DYNC2H1: variants seen among roughly 807,000 people sequenced by gnomAD.
The protein encoded by DYNC2H1 is cytoplasmic dynein 2 heavy chain 1.
A neutral mutation model predicts 570.0 loss-of-function variants in DYNC2H1; 410 were observed. The observed-to-expected ratio is 0.72, with a 90% CI of 0.66 to 0.78. The LOEUF is 0.78. DYNC2H1 is among the 30% of genes least tolerant of loss of function. The pLI, the probability that DYNC2H1 is intolerant of heterozygous loss-of-function variation, is 0.00. For missense variants in DYNC2H1, 4,865 were observed against 5,046.4 expected (o/e 0.96, Z 1.09); for synonymous variants, 1,688 against 1,677.6 (o/e 1.01, Z -0.15).
intron 17 of DYNC2H1, among the ~76,000 whole-genome samples, chr11:103,142,656 G>A (rs932961628): frequency 5.9e-5 from 9 of 152,036 alleles, no homozygotes; most frequent in African/African-American, 1.4e-4. Flanking sequence ...GTGGCAGAGC[G>A]AGACTCCATG....
intron 75 of DYNC2H1, among the ~76,000 whole-genome samples, chr11:103,291,732 A>T (rs1431265699): frequency 1.3e-5 from 2 of 152,014 alleles, no homozygotes; most frequent in Non-Finnish European, 2.9e-5. Flanking sequence ...ATATCTGGAT[A>T]CTCCAGTGTT....
At chr11:103,463,838 GA>G (rs1945101026) in intron 87 of DYNC2H1, among the ~76,000 whole-genome samples, 1 of 152,144 alleles carries the variant, frequency 6.6e-6, no homozygotes, top group Non-Finnish European at 1.5e-5. Context: ...TAAGAAAGCT[GA>G]AAGACAAAGA....
chr11:103,440,888 G>T (rs1010212632), intron 85 of DYNC2H1, among the ~76,000 whole-genome samples: 1 of 152,028 alleles, frequency 6.6e-6, no homozygotes, highest in Non-Finnish European at 1.5e-5. Context: ...CCACTACCTC[G>T]ATTGAAGTCA....
chr11:103,392,292 C>T (rs578248439), intron 83 of DYNC2H1, among the ~76,000 whole-genome samples: 4 of 152,344 alleles, frequency 2.6e-5, no homozygotes, highest in Admixed American at 2.6e-4. Flanking sequence ...ATAGGACCCT[C>T]CAAGCCAGGT....
intron 83 of DYNC2H1, among the ~76,000 whole-genome samples, chr11:103,386,946 T>G (rs1333652818): frequency 2.0e-5 from 3 of 151,794 alleles, no homozygotes; most frequent in Non-Finnish European, 4.4e-5. Context: ...TTGTGAATAG[T>G]GCAGCAATAA....
intron 87 of DYNC2H1, among the ~76,000 whole-genome samples, chr11:103,458,183 TTA>T: frequency 6.6e-6 from 1 of 152,332 alleles, no homozygotes; most frequent in South Asian, 2.1e-4. Flanking sequence ...AGGATTTTTT[TTA>T]TCTTTTATAC....
rs1429992074 is a variant in DYNC2H1, at chr11:103,114,273, A to C, written c.502+35A>C. On this transcript the variant is annotated intron_variant, in intron 3 of 88. Coordinates refer to ENST00000375735, the MANE Select transcript of DYNC2H1 (RefSeq NM_001377.3). ...CATAGCTTAATAAAAGAGAGTACAA[A>C]ATGATTGTCTCATTAATACATTAGT... 3 of 1,516,076 alleles carry C rather than the reference A, an allele frequency of 2.0e-6. No homozygotes were observed. In the African/African-American group the frequency reaches 4.2e-5, roughly 21 times the overall value. The allele number at this position is 1,516,076 out of a possible 1,614,324, so 93.9% of individuals were successfully genotyped here. A position where few individuals can be genotyped will look rare whatever the true frequency, so the allele number is the denominator to read the frequency against.
At chr11:103,405,414 T>C (rs1308069957) in intron 84 of DYNC2H1, 2 of 152,016 alleles carry the variant, frequency 1.3e-5, no homozygotes, top group East Asian at 3.9e-4. Flanking sequence ...TGGTTATACC[T>C]ACAGAGTTTC....
At position 103,181,722 on chromosome 11, in the gene DYNC2H1, C is replaced by T. The variant is rs1253492484; in HGVS notation, c.6348-35C>T. On this transcript the variant is annotated intron_variant, in intron 39 of 88. Transcript: ENST00000375735. The surrounding 1 kb of genome is among the most constrained non-coding windows in gnomAD (Gnocchi z 5.0). Reference sequence around the variant, plus strand: ...TTTTAATGTAAATTGATAATTTCTTCCTAAGTAATTTTTTATTTGTCTAAA... The same window carrying T: ...TTTTAATGTAAATTGATAATTTCTTTCTAAGTAATTTTTTATTTGTCTAAA... The T allele has an allele frequency of 7.4e-6, 11 of 1,492,364 alleles. No individual in the cohort carries two copies. Among genetic ancestry groups the T allele is most frequent in the Non-Finnish European group, 9.0e-6 (10 of 1,116,764 alleles). 92.4% of individuals were successfully genotyped at this position (1,492,364 alleles called of 1,614,324 possible). A position where few individuals can be genotyped will look rare whatever the true frequency, so the allele number is the denominator to read the frequency against.
intron 14 of DYNC2H1, among the ~76,000 whole-genome samples, 198 bp from the exon 15 acceptor site, chr11:103,134,123 G>T (rs1859412772): frequency 6.6e-6 from 1 of 151,926 alleles, no homozygotes; most frequent in South Asian, 2.1e-4. Flanking sequence ...ATTAGATTGG[G>T]GCTATCTTAT....
chr11:103,377,768 G>A (rs899084726), intron 83 of DYNC2H1, among the ~76,000 whole-genome samples: 8 of 151,992 alleles, frequency 5.3e-5, no homozygotes, highest in African/African-American at 1.5e-4. Flanking sequence ...AGACAGTCTC[G>A]CTCTGTTGCC....
intron 47 of DYNC2H1, among the ~76,000 whole-genome samples, chr11:103,194,612 T>C (rs534252500): frequency 2.0e-5 from 3 of 152,226 alleles, no homozygotes; most frequent in Non-Finnish European, 2.9e-5. Flanking sequence ...TTAATTTGCA[T>C]TTTGCTAAGG....
rs1355657035 is a variant in DYNC2H1 at position 103,128,981 on chromosome 11, C to CT, written c.1931dup (p.Leu644PhefsTer4). On this transcript the variant is annotated frameshift_variant, in exon 13 of 89. Coordinates refer to ENST00000375735, the MANE Select transcript of DYNC2H1 (RefSeq NM_001377.3). LOFTEE classifies it high-confidence loss of function. Reference sequence around the variant, plus strand: ...AGAGGCCAATGATGTTACAATCTGCCTTAGCATTTGAACAGATAATTAAGG... The same window carrying CT: ...AGAGGCCAATGATGTTACAATCTGCCTTTAGCATTTGAACAGATAATTAAGG... The CT allele has an allele frequency of 6.2e-7, 1 of 1,604,814 alleles. No individual in the cohort carries two copies. The highest frequency in any genetic ancestry group is 1.7e-5 in the Admixed American group (1 of 59,320).
intron 71 of DYNC2H1, 137 bp from the exon 72 acceptor site, chr11:103,282,042 C>T: frequency 1.7e-6 from 1 of 581,068 alleles, no homozygotes; most frequent in South Asian, 2.1e-5. Context: ...TGTTAACATA[C>T]TAGAAGAAGT....
chr11:103,166,990 C>CTTTTTTTTTTTTTTTTTTTTTTTTT (rs34816989), intron 31 of DYNC2H1, among the ~76,000 whole-genome samples: 4 of 56,986 alleles, frequency 7.0e-5, no homozygotes, highest in Non-Finnish European at 9.1e-5. Context: ...GAGGCGCTGC[C>CTTTTTTTTTTTTTTTTTTTTTTTTT]TTTTTTTTTT....
chr11:103,332,081 A>AAT (rs1361779250), intron 82 of DYNC2H1, among the ~76,000 whole-genome samples: 1 of 151,964 alleles, frequency 6.6e-6, no homozygotes, highest in African/African-American at 2.4e-5. Context: ...AAAAAAAAAA[A>AAT]GTTCCGATGA....
intron 65 of DYNC2H1, among the ~76,000 whole-genome samples, chr11:103,248,416 A>C (rs1864704763): frequency 6.6e-6 from 1 of 152,086 alleles, no homozygotes; most frequent in African/African-American, 2.4e-5. Context: ...GGTGTCCTGC[A>C]TACAATAGCT....
chr11:103,479,240 T>TA lies in DYNC2H1; in HGVS notation c.12917dup (p.Asn4306LysfsTer18), dbSNP rs761970784. On this transcript the variant is annotated frameshift_variant, in exon 89 of 89. Coordinates refer to ENST00000375735, the MANE Select transcript of DYNC2H1 (RefSeq NM_001377.3). LOFTEE classifies it high-confidence loss of function. ...ATTCAGTGTGGAGCAGCTCTATTCC[T>TA]AAAAAATCAGTAGAATCTAATGACA... The TA allele has an allele frequency of 6.2e-7, 1 of 1,610,764 alleles. No individual in the cohort carries two copies. The highest frequency in any genetic ancestry group is 8.5e-7 in the Non-Finnish European group (1 of 1,178,492).
intron 34 of DYNC2H1, among the ~76,000 whole-genome samples, chr11:103,171,905 C>T (rs1861590572): frequency 1.3e-5 from 2 of 152,190 alleles, no homozygotes; most frequent in African/African-American, 4.8e-5. Context: ...AAACAACAAA[C>T]ACTTAGCTAT....
Sources: gnomAD v4.1 joint callset for allele counts (sites outside exome capture counted in the v4.1 genomes callset) on GRCh38, gnomAD v4.1.1 for gene constraint, Gnocchi (gnomAD v3.1) non-coding constraint, MANE v1.5 for transcripts, NCBI Gene and HGNC (gene_info 2026-07-23, HGNC 2026-07-21) for gene names.